The following KRABD5 variants were observed in gnomAD, a reference collection of about 807,000 sequenced individuals.
KRABD5 encodes the protein KRAB domain containing 5, also known as KRAB domain-containing protein 5.
the KRABD5 span, among the ~76,000 whole-genome samples, chr16:31,751,680 G>C: frequency 1.3e-5 from 2 of 152,152 alleles, no homozygotes; most frequent in African/African-American, 4.8e-5. Flanking sequence ...AACCTAGCTA[G>C]TGGTCTATCA....
chr16:31,755,533 T>A, the KRABD5 span: 1 of 461,604 alleles, frequency 2.2e-6, no homozygotes, highest in South Asian at 1.5e-5. Context: ...AGATAACTCA[T>A]ACTGGAATGA....
At chr16:31,725,259 G>A in the KRABD5 span, among the ~76,000 whole-genome samples, 1 of 152,164 alleles carries the variant, frequency 6.6e-6, no homozygotes, top group Non-Finnish European at 1.5e-5. Context: ...GGGATTACAT[G>A]CTTGTGCCAC....
the KRABD5 span, among the ~76,000 whole-genome samples, chr16:31,731,028 T>G: frequency 1.3e-5 from 2 of 152,232 alleles, no homozygotes; most frequent in Middle Eastern, 3.2e-3. Flanking sequence ...TCAGCCAACT[T>G]TCAGATCTCC....
At chr16:31,749,226 G>A in the KRABD5 span, among the ~76,000 whole-genome samples, 1 of 152,228 alleles carries the variant, frequency 6.6e-6, no homozygotes, top group Non-Finnish European at 1.5e-5. Flanking sequence ...GGCCTGAAGA[G>A]GCACTCTGGC....
the KRABD5 span, chr16:31,713,426 C>A: frequency 6.2e-7 from 1 of 1,605,890 alleles, no homozygotes; most frequent in Non-Finnish European, 8.5e-7. Flanking sequence ...ATCCCGGAAG[C>A]TGGGAAATGG....
chr16:31,728,535 T>A, the KRABD5 span, among the ~76,000 whole-genome samples: 2 of 152,182 alleles, frequency 1.3e-5, no homozygotes, highest in African/African-American at 2.4e-5. Context: ...TTCTTTTGAT[T>A]TCTTCTTCAT....
chr16:31,725,609 T>C, the KRABD5 span, among the ~76,000 whole-genome samples: 1 of 152,254 alleles, frequency 6.6e-6, no homozygotes, highest in Non-Finnish European at 1.5e-5. Context: ...GTCTCTTTGA[T>C]AGTAGACATT....
chr16:31,713,346 A>C, the KRABD5 span: 1 of 1,551,914 alleles, frequency 6.4e-7, no homozygotes, highest in Non-Finnish European at 8.8e-7. Flanking sequence ...TCGCGTTCTG[A>C]GAATAGACAG....
the KRABD5 span, among the ~76,000 whole-genome samples, chr16:31,715,937 C>T: frequency 1.5e-3 from 222 of 152,282 alleles, 2 homozygotes; most frequent in Middle Eastern, 0.017. Flanking sequence ...GGGTGAGAAG[C>T]GACTGAGGAC....
chr16:31,742,021 T>C, the KRABD5 span, among the ~76,000 whole-genome samples: 4 of 152,162 alleles, frequency 2.6e-5, no homozygotes, highest in Admixed American at 6.5e-5. Flanking sequence ...TCAGTCATCC[T>C]AGAACCATTT....
chr16:31,741,012 C>T, the KRABD5 span, among the ~76,000 whole-genome samples: 1 of 152,094 alleles, frequency 6.6e-6, no homozygotes, highest in African/African-American at 2.4e-5. Flanking sequence ...GTCTCTTTTC[C>T]CCATCTTTAT....
the KRABD5 span, among the ~76,000 whole-genome samples, chr16:31,737,615 A>T: frequency 6.6e-6 from 1 of 152,150 alleles, no homozygotes. Context: ...GTTGAATATA[A>T]GTTTACTATA....
At chr16:31,731,589 G>C in the KRABD5 span, among the ~76,000 whole-genome samples, 573 of 152,286 alleles carry the variant, frequency 3.8e-3, 6 homozygotes, top group Non-Finnish European at 3.2e-3. Context: ...GCAGGATATG[G>C]GCCCTGGGCC....
the KRABD5 span, chr16:31,713,452 G>T: frequency 1.9e-6 from 3 of 1,602,508 alleles, no homozygotes; most frequent in South Asian, 3.4e-5. Context: ...GTGCCAGGTC[G>T]GGGGTCCCCA....
chr16:31,717,245 C>G, the KRABD5 span, among the ~76,000 whole-genome samples: 2 of 152,126 alleles, frequency 1.3e-5, no homozygotes, highest in Non-Finnish European at 2.9e-5. Context: ...ATCTGCCTGC[C>G]TCGGCCTCCC....
chr16:31,730,410 A>G, the KRABD5 span, among the ~76,000 whole-genome samples: 1 of 152,144 alleles, frequency 6.6e-6, no homozygotes, highest in African/African-American at 2.4e-5. Flanking sequence ...TCTGCTAAAA[A>G]ATCTACTGAT....
At chr16:31,739,210 T>G in the KRABD5 span, among the ~76,000 whole-genome samples, 1 of 152,224 alleles carries the variant, frequency 6.6e-6, no homozygotes, top group Non-Finnish European at 1.5e-5. Context: ...AAGAACTGCC[T>G]CTATTTAGCA....
the KRABD5 span, chr16:31,754,314 G>A: frequency 3.3e-6 from 2 of 615,336 alleles, no homozygotes; most frequent in Non-Finnish European, 2.9e-6. Context: ...GATCAATATA[G>A]AAAGGTCTTC....
chr16:31,753,941 A>C, the KRABD5 span: 1 of 1,550,682 alleles, frequency 6.4e-7, no homozygotes, highest in Non-Finnish European at 8.7e-7. Flanking sequence ...ATGGACATAC[A>C]AAATGTAAGA....
Sources: gnomAD v4.1 joint callset for allele counts (sites outside exome capture counted in the v4.1 genomes callset) on GRCh38, gnomAD v4.1.1 for gene constraint, MANE v1.5 for transcripts, NCBI Gene and HGNC (gene_info 2026-07-23, HGNC 2026-07-21) for gene names.